The following CACNA2D3 variants were observed in gnomAD, a reference collection of about 807,000 sequenced individuals.
CACNA2D3 encodes the protein voltage-dependent calcium channel subunit alpha-2/delta-3.
A neutral mutation model predicts 160.6 loss-of-function variants in CACNA2D3; 60 were observed. The ratio of observed to expected loss-of-function variants is 0.37; its 90% CI spans 0.30 to 0.46. CACNA2D3 has a LOEUF of 0.46. Ranked by LOEUF, CACNA2D3 falls within the 20% of genes least tolerant of loss-of-function variation. CACNA2D3 has a pLI of 1.00. For missense variants in CACNA2D3, 1,205 were observed against 1,365.0 expected (o/e 0.88, Z 1.85); for synonymous variants, 558 against 492.9 (o/e 1.13, Z -1.75).
At chr3:54,920,759 G>T (rs1449288084) in intron 27 of CACNA2D3, among the ~76,000 whole-genome samples, 1 of 152,172 alleles carries the variant, frequency 6.6e-6, no homozygotes. Context: ...TCTATCAGGG[G>T]AAGCAAGACC....
chr3:54,717,103 C>T (rs553586287), intron 11 of CACNA2D3, among the ~76,000 whole-genome samples: 7 of 152,192 alleles, frequency 4.6e-5, no homozygotes, highest in South Asian at 4.1e-4. Flanking sequence ...GTAACATACT[C>T]TCTGGTGTCT....
intron 21 of CACNA2D3, among the ~76,000 whole-genome samples, chr3:54,881,499 T>C (rs1344673142): frequency 1.3e-5 from 2 of 152,226 alleles, no homozygotes; most frequent in African/African-American, 4.8e-5. Flanking sequence ...TATAGCTCTT[T>C]AAATTTTAAA....
At chr3:54,867,640 C>T (rs1375714772) in intron 17 of CACNA2D3, among the ~76,000 whole-genome samples, 1 of 152,064 alleles carries the variant, frequency 6.6e-6, no homozygotes, top group African/African-American at 2.4e-5. Flanking sequence ...GCACACACCA[C>T]CTTTTCAGGA....
chr3:54,822,790 C>CTTTCTTTCTTTTCTTTCTTTCTTTCTTTT (rs1491160047), intron 14 of CACNA2D3, among the ~76,000 whole-genome samples: 2 of 71,912 alleles, frequency 2.8e-5, no homozygotes, highest in African/African-American at 1.2e-4. Flanking sequence ...TTCTTTCTTT[C>CTTTCTTTCTTTTCTTTCTTTCTTTCTTTT]CTTTCTTTCT....
At chr3:54,761,057 T>G (rs1702071363) in intron 12 of CACNA2D3, among the ~76,000 whole-genome samples, 1 of 151,462 alleles carries the variant, frequency 6.6e-6, no homozygotes, top group Non-Finnish European at 1.5e-5. Flanking sequence ...AATGTATGAT[T>G]GTTTTCCCCC....
At position 54,293,638 on chromosome 3, in the gene CACNA2D3, G is replaced by A. The variant is rs75981328; in HGVS notation, c.205-26804G>A. Among the ~76,000 whole-genome samples the A allele has an allele frequency of 9.8e-3, 1,485 of 152,052 alleles. 28 individuals are homozygous for A. The highest frequency in any genetic ancestry group is 0.063 in the East Asian group (327 of 5,174). On this transcript the variant is annotated intron_variant, in intron 2 of 37. Transcript: ENST00000474759. ...AGTAATAAAAAGGAACAAGCTAGAG[G>A]CATACACAACACCCACAGATGAATC...
At position 55,074,337 on chromosome 3, in the gene CACNA2D3, A is replaced by AT. The variant is rs1704900592; in HGVS notation, c.*135dup. ...GTCCAACCATCAGCATCTCATCATG[A>AT]TTTTAAACTGTGCGTGATATAAACT... On this transcript the variant is annotated 3_prime_UTR_variant, in exon 38 of 38. Coordinates refer to ENST00000474759, the MANE Select transcript of CACNA2D3 (RefSeq NM_018398.3). The AT allele has an allele frequency of 2.6e-5, 19 of 740,114 alleles. No individual in the cohort carries two copies. The South Asian group carries it at 2.8e-4, about 11-fold the overall frequency. The allele number at this position is 740,114 out of a possible 1,614,324, so 45.8% of individuals were successfully genotyped here.
chr3:54,677,871 G>A (rs1259639403), intron 11 of CACNA2D3, among the ~76,000 whole-genome samples: 1 of 152,078 alleles, frequency 6.6e-6, no homozygotes, highest in Non-Finnish European at 1.5e-5. Flanking sequence ...ATACTCATCA[G>A]AGACAAAGAA....
intron 11 of CACNA2D3, among the ~76,000 whole-genome samples, chr3:54,682,114 G>T (rs988026205): frequency 6.6e-6 from 1 of 151,338 alleles, no homozygotes; most frequent in African/African-American, 2.4e-5. Flanking sequence ...TGTTTATACT[G>T]CATTCTGGCT....
intron 5 of CACNA2D3, among the ~76,000 whole-genome samples, chr3:54,513,488 T>C (rs1575497290): frequency 3.3e-5 from 5 of 152,054 alleles, no homozygotes; most frequent in Non-Finnish European, 7.4e-5. Flanking sequence ...AATTCCCACT[T>C]TAGAGGTGAG....
chr3:54,849,076 T>G (rs1416158679), intron 17 of CACNA2D3, among the ~76,000 whole-genome samples: 2 of 152,206 alleles, frequency 1.3e-5, no homozygotes, highest in Non-Finnish European at 2.9e-5. Context: ...TTCAGGTTTT[T>G]GTGATAGACA....
chr3:54,823,499 C>G (rs1166098221), intron 14 of CACNA2D3, among the ~76,000 whole-genome samples: 2 of 152,044 alleles, frequency 1.3e-5, no homozygotes, highest in African/African-American at 4.8e-5. Context: ...CTCAACAACC[C>G]TCTTTTGCAG....
chr3:54,925,974 C>T (rs960465339), intron 27 of CACNA2D3, among the ~76,000 whole-genome samples: 1 of 152,092 alleles, frequency 6.6e-6, no homozygotes, highest in Non-Finnish European at 1.5e-5. Context: ...AATAAATACC[C>T]ATTTTCTATA....
intron 18 of CACNA2D3, among the ~76,000 whole-genome samples, chr3:54,872,158 C>T (rs991700089): frequency 1.3e-5 from 2 of 152,206 alleles, no homozygotes; most frequent in African/African-American, 4.8e-5. Context: ...TTTCATTCTG[C>T]TCTGGCCTTG....
At chr3:54,763,952 A>T (rs1170235868) in intron 12 of CACNA2D3, among the ~76,000 whole-genome samples, 1 of 146,744 alleles carries the variant, frequency 6.8e-6, no homozygotes, top group East Asian at 2.0e-4. Context: ...AATTAACAGG[A>T]ACTTCCTCTG....
At chr3:54,183,411 T>C (rs1199227289) in intron 2 of CACNA2D3, among the ~76,000 whole-genome samples, 2 of 151,988 alleles carry the variant, frequency 1.3e-5, no homozygotes, top group African/African-American at 2.4e-5. Flanking sequence ...GTGACCTGTT[T>C]AGTGTCACAT....
intron 27 of CACNA2D3, among the ~76,000 whole-genome samples, chr3:54,916,695 A>T (rs911327346): frequency 6.6e-6 from 1 of 152,194 alleles, no homozygotes; most frequent in African/African-American, 2.4e-5. Context: ...AGACCTGCAC[A>T]GTAGGAAGTG....
intron 35 of CACNA2D3, among the ~76,000 whole-genome samples, chr3:55,067,106 G>T (rs1704666683): frequency 6.9e-6 from 1 of 144,818 alleles, no homozygotes; most frequent in Non-Finnish European, 1.5e-5. Context: ...TGTAGCGGGG[G>T]GGGCTTTTCT....
chr3:54,327,478 T>A (rs1331801492), intron 3 of CACNA2D3, among the ~76,000 whole-genome samples: 1 of 152,208 alleles, frequency 6.6e-6, no homozygotes, highest in Non-Finnish European at 1.5e-5. Context: ...AACCATTGCA[T>A]CAAACCCTCC....
Sources: gnomAD v4.1 joint callset for allele counts (sites outside exome capture counted in the v4.1 genomes callset) on GRCh38, gnomAD v4.1.1 for gene constraint, MANE v1.5 for transcripts, NCBI Gene and HGNC (gene_info 2026-07-23, HGNC 2026-07-21) for gene names.